The following BRINP3 variants were observed in gnomAD, a reference collection of about 807,000 sequenced individuals.
The protein encoded by BRINP3 is BMP/retinoic acid inducible neural specific 3.
BRINP3 carries 19 observed loss-of-function variants against 71.0 expected under a neutral mutation model. The ratio of observed to expected loss-of-function variants is 0.27; its 90% confidence interval spans 0.19 to 0.39. The LOEUF is 0.39. BRINP3 is among the 10% of genes least tolerant of loss of function. BRINP3 has a pLI of 1.00. For synonymous variants in BRINP3, 380 were observed against 337.7 expected, an observed-to-expected ratio of 1.13 and a Z score of -1.37; for missense variants, 959 against 940.8, an observed-to-expected ratio of 1.02 and a Z score of -0.25.
chr1:190,443,404 C>CAAAAA (rs560504461), intron 2 of BRINP3, among the ~76,000 whole-genome samples: 3 of 73,598 alleles, frequency 4.1e-5, no homozygotes, highest in East Asian at 3.6e-4. Context: ...GACTCCGTCT[C>CAAAAA]AAAAAAAAAA....
rs1409802403 is a variant in BRINP3 at position 190,477,630 on chromosome 1, C to T, written c.-233G>A. 2 of 151,686 alleles carry T rather than the reference C, an allele frequency of 1.3e-5. No individual in the cohort carries two copies. Among genetic ancestry groups the T allele is most frequent in the Non-Finnish European group, 2.9e-5 (2 of 67,958 alleles). The allele number at this position is 151,686 out of a possible 1,614,324, so 9.4% of individuals were successfully genotyped here. A position where few individuals can be genotyped will look rare whatever the true frequency, so the allele number is the denominator to read the frequency against. On this transcript the variant is annotated 5_prime_UTR_variant, in exon 1 of 8. Transcript: ENST00000367462. The stretch of plus-strand genomic sequence containing the variant: ...AACCAGTTACACAGAGAGCCACGAA[C>T]CCCCAAGGCAAGAAAGCAGAATGTG...
intron 2 of BRINP3, among the ~76,000 whole-genome samples, chr1:190,373,467 T>C (rs1395492967): frequency 6.6e-6 from 1 of 151,742 alleles, no homozygotes; most frequent in East Asian, 1.9e-4. Context: ...TGTGTACATA[T>C]ATATGTATAT....
intron 2 of BRINP3, among the ~76,000 whole-genome samples, chr1:190,418,450 C>T (rs1302885644): frequency 1.3e-5 from 2 of 152,092 alleles, no homozygotes; most frequent in Non-Finnish European, 2.9e-5. Context: ...ACTCTCCTTT[C>T]CATATCTTAC....
intron 2 of BRINP3, among the ~76,000 whole-genome samples, chr1:190,337,806 T>C (rs1213186010): frequency 2.6e-5 from 4 of 152,086 alleles, no homozygotes; most frequent in African/African-American, 7.2e-5. Flanking sequence ...CCTGTTCTTC[T>C]AGAGAACCCT....
intron 2 of BRINP3, among the ~76,000 whole-genome samples, chr1:190,382,624 T>C (rs1388262851): frequency 6.6e-6 from 1 of 152,186 alleles, no homozygotes; most frequent in Non-Finnish European, 1.5e-5. Flanking sequence ...TTATTAAATG[T>C]TTTCTCCTTC....
At chr1:190,464,404 T>C (rs767974063) in intron 1 of BRINP3, among the ~76,000 whole-genome samples, 3 of 151,982 alleles carry the variant, frequency 2.0e-5, no homozygotes, top group Non-Finnish European at 4.4e-5. Flanking sequence ...CATTCATGAA[T>C]CTTGTAAAAT....
intron 6 of BRINP3, among the ~76,000 whole-genome samples, chr1:190,203,131 ATTAG>A (rs1042458411): frequency 1.7e-4 from 26 of 152,068 alleles, no homozygotes; most frequent in Admixed American, 7.2e-4. Flanking sequence ...GTAAAATTCT[ATTAG>A]TTAAAGTTAT....
chr1:190,362,979 T>C (rs777102707), intron 2 of BRINP3, among the ~76,000 whole-genome samples: 2 of 152,170 alleles, frequency 1.3e-5, no homozygotes, highest in Non-Finnish European at 2.9e-5. Flanking sequence ...GTGATCATGA[T>C]AGGATATTAT....
chr1:190,393,616 A>G (rs963402174), intron 2 of BRINP3, among the ~76,000 whole-genome samples: 3 of 151,650 alleles, frequency 2.0e-5, no homozygotes, highest in Non-Finnish European at 3.0e-5. Context: ...AAATTTCAAC[A>G]TTCCATACTC....
chr1:190,315,917 G>A lies in BRINP3; in HGVS notation c.237-34167C>T, dbSNP rs1386730326. On this transcript the variant is annotated intron_variant, in intron 2 of 7. Coordinates refer to ENST00000367462, the MANE Select transcript of BRINP3 (RefSeq NM_199051.3). ...ACAATACTTCCCAGCCTCTCATGTT[G>A]TTAGAAGTAGATTTGTGACAGTTTT... is the stretch of plus-strand genomic sequence containing the variant. 2.0e-5 allele frequency among the ~76,000 whole-genome samples: 3 copies of A among 152,054 alleles called. No individual in the cohort carries two copies. The East Asian group carries it at 5.8e-4, about 29-fold the overall frequency.
At chr1:190,445,892 G>T (rs1182216153) in intron 2 of BRINP3, among the ~76,000 whole-genome samples, 1 of 151,994 alleles carries the variant, frequency 6.6e-6, no homozygotes, top group Non-Finnish European at 1.5e-5. Flanking sequence ...CATAATTGTT[G>T]TTTACTATTC....
chr1:190,179,971 A>C (rs551011041), intron 6 of BRINP3, among the ~76,000 whole-genome samples: 1 of 152,236 alleles, frequency 6.6e-6, no homozygotes, highest in South Asian at 2.1e-4. Context: ...TACTCATTTT[A>C]CTGGAATGAG....
chr1:190,287,924 A>G (rs2102956611), intron 2 of BRINP3, among the ~76,000 whole-genome samples: 1 of 152,246 alleles, frequency 6.6e-6, no homozygotes, highest in African/African-American at 2.4e-5. Context: ...TCATAGCTTA[A>G]TAGGGTTTTA....
At chr1:190,181,231 A>C (rs937442385) in intron 6 of BRINP3, among the ~76,000 whole-genome samples, 4 of 152,060 alleles carry the variant, frequency 2.6e-5, no homozygotes, top group African/African-American at 9.6e-5. Context: ...TATTGTCTGT[A>C]CCAGTATACA....
intron 4 of BRINP3, among the ~76,000 whole-genome samples, chr1:190,256,876 C>T (rs966715013): frequency 3.6e-4 from 55 of 152,144 alleles, no homozygotes; most frequent in African/African-American, 1.3e-3. Context: ...TGACGTGCTA[C>T]CCTTTGTGGG....
intron 2 of BRINP3, among the ~76,000 whole-genome samples, chr1:190,297,850 T>G (rs1664371604): frequency 6.6e-6 from 1 of 151,690 alleles, no homozygotes; most frequent in Non-Finnish European, 1.5e-5. Flanking sequence ...TTCTGGTTTG[T>G]TATCAGGGTA....
At chr1:190,181,776 C>T (rs1341666262) in intron 6 of BRINP3, among the ~76,000 whole-genome samples, 9 of 151,890 alleles carry the variant, frequency 5.9e-5, no homozygotes, top group Non-Finnish European at 1.0e-4. Context: ...GGCCACCAAA[C>T]GTAATTTAGA....
At chr1:190,271,297 G>A (rs78415982) in intron 3 of BRINP3, among the ~76,000 whole-genome samples, 9,715 of 151,530 alleles carry the variant, frequency 0.064, 440 homozygotes, top group East Asian at 0.11. Flanking sequence ...TCTAATGCTG[G>A]TTTCAATTTA....
intron 1 of BRINP3, among the ~76,000 whole-genome samples, chr1:190,456,073 A>T (rs1188777315): frequency 6.6e-6 from 1 of 152,212 alleles, no homozygotes; most frequent in Non-Finnish European, 1.5e-5. Flanking sequence ...AGAAAAAAAG[A>T]TTAAGATTTA....
Sources: allele counts gnomAD v4.1 joint callset (sites outside exome capture counted in the v4.1 genomes callset), GRCh38; gene constraint gnomAD v4.1.1; transcripts MANE v1.5; gene names NCBI Gene and HGNC (gene_info 2026-07-23, HGNC 2026-07-21).